Variants in SLC26A5 observed in about 807,000 individuals in gnomAD.
SLC26A5 encodes prestin.
SLC26A5 carries 51 observed loss-of-function variants against 81.0 expected under a neutral mutation model. That is an observed-to-expected ratio of 0.63 (90% CI 0.50 to 0.80). SLC26A5 has a LOEUF of 0.80. Ranked by LOEUF, SLC26A5 falls within the 30% of genes least tolerant of loss-of-function variation. The pLI is 0.00. For synonymous variants in SLC26A5, 325 were observed against 332.8 expected (o/e 0.98, Z 0.25); for missense variants, 771 against 905.8 (o/e 0.85, Z 1.91).
At chr7:103,431,764 C>T (rs1319420844) in intron 2 of SLC26A5, among the ~76,000 whole-genome samples, 1 of 152,184 alleles carries the variant, frequency 6.6e-6, no homozygotes, top group Non-Finnish European at 1.5e-5. Flanking sequence ...TAGCATCTCT[C>T]TTCTTGACAT....
intron 8 of SLC26A5, among the ~76,000 whole-genome samples, chr7:103,398,776 C>T (rs1419728668): frequency 1.3e-5 from 2 of 152,136 alleles, no homozygotes; most frequent in African/African-American, 4.8e-5. Flanking sequence ...GGAAGCCAGC[C>T]CCTCCTGAGG....
chr7:103,441,130 G>T (rs1340644446), intron 2 of SLC26A5, among the ~76,000 whole-genome samples: 1 of 152,158 alleles, frequency 6.6e-6, no homozygotes, highest in Non-Finnish European at 1.5e-5. Context: ...AGAAAAGAGA[G>T]AAATTAAGTG....
chr7:103,420,768 T>A lies in SLC26A5; in HGVS notation c.262A>T (p.Ile88Leu). The change falls in exon 4 of 20, where the codon ATA (isoleucine) becomes TTA (leucine). Residue 88 changes from isoleucine to leucine, a missense_variant. Transcript: ENST00000306312. ...EYVLGDLVSG[I>L]STGVLQLPQG... The stretch of plus-strand genomic sequence containing the variant: ...GGAAGCTGAAGCACCCCTGTGCTTA[T>A]GCCTGAGACCAAGTCACCCAACACA... 1.4e-5 allele frequency: 22 copies of A among 1,614,188 alleles called. No homozygotes were observed. The highest frequency in any genetic ancestry group is 1.8e-5 in the Non-Finnish European group (21 of 1,180,024).
intron 1 of SLC26A5, among the ~76,000 whole-genome samples, chr7:103,444,993 C>T (rs1159512881): frequency 6.6e-6 from 1 of 152,214 alleles, no homozygotes. Flanking sequence ...CCCTGCATTT[C>T]TATGCTGTAA....
rs1822451827 is a variant in SLC26A5 at position 103,389,292 on chromosome 7, A to G, written c.1407+37T>C. 6 of 1,432,356 alleles carry G rather than the reference A, an allele frequency of 4.2e-6. No homozygotes were observed. In the East Asian group the frequency reaches 1.1e-4, roughly 27 times the overall value. The allele number at this position is 1,432,356 out of a possible 1,614,324, so 88.7% of individuals were successfully genotyped here. ...TCTTAGCACTAATCATATCTGCTCT[A>G]TGACATATTAACAGAGCCATCACCT... On this transcript the variant is annotated intron_variant, in intron 13 of 19. Transcript: ENST00000306312.
chr7:103,440,533 C>T (rs1010669927), intron 2 of SLC26A5, among the ~76,000 whole-genome samples: 5 of 152,236 alleles, frequency 3.3e-5, no homozygotes, highest in African/African-American at 9.6e-5. Context: ...TCTATCTTTT[C>T]CTGGTACACT....
rs539855841 is a variant in SLC26A5 at position 103,420,497 on chromosome 7, C to CA, written c.292+240dup. Among the ~76,000 whole-genome samples the CA allele has an allele frequency of 7.2e-5, 11 of 152,056 alleles. No individual in the cohort carries two copies. The South Asian group carries it at 2.3e-3, about 32-fold the overall frequency. Reference sequence around the variant, plus strand: ...TTTTGTTTTGGTAGAGACAGTGTCTCACTTTGTTGCCCAGGCTGGTCTCCA... The same window carrying CA: ...TTTTGTTTTGGTAGAGACAGTGTCTCAACTTTGTTGCCCAGGCTGGTCTCCA... On this transcript the variant is annotated intron_variant, in intron 4 of 19. Transcript: ENST00000306312.
Position 103,390,446 on chromosome 7 carries a change from A to C in SLC26A5, c.1294T>G (p.Phe432Val), listed in dbSNP as rs1202074307. The C allele has an allele frequency of 1.9e-6, 3 of 1,614,190 alleles. No homozygotes were observed. In the Admixed American group the frequency reaches 5.0e-5, roughly 27 times the overall value. Residue 432 changes from phenylalanine (F) to valine (V), a missense_variant, in exon 12 of 20, where the codon TTT (phenylalanine) becomes GTT (valine). Phe to Val is a conservative substitution (Grantham distance 50). Transcript: ENST00000306312. ...ACACACACCTGGGGCAATGATTCAA[A>C]GAGGAATCCAGTTGCTAATATGACC... Reference protein sequence around the residue: ...LLVILATGFLFESLPQAVLSA... With the variant: ...LLVILATGFLVESLPQAVLSA...
At chr7:103,362,494 G>C in intron 19 of SLC26A5, 1 of 1,411,220 alleles carries the variant, frequency 7.1e-7, no homozygotes. Flanking sequence ...CTGTTGGATA[G>C]GTTGTTTGCG....
chr7:103,395,044 A>G (rs1822973879), intron 9 of SLC26A5, among the ~76,000 whole-genome samples: 1 of 152,182 alleles, frequency 6.6e-6, no homozygotes. Flanking sequence ...GGATCCTCCA[A>G]CACTAGTCAC....
rs1386852125 is a variant in SLC26A5, at chr7:103,354,084, TAAAATA to T, written c.2042-1164_2042-1159del. 4.2e-6 allele frequency: 3 copies of T among 718,186 alleles called. No individual in the cohort carries two copies. The African/African-American group carries it at 5.5e-5, about 13-fold the overall frequency. 44.5% of individuals were successfully genotyped at this position (718,186 alleles called of 1,614,324 possible). The stretch of plus-strand genomic sequence containing the variant: ...AAAAATTAAAAAACCAAACAAAAAA[TAAAATA>T]AAAAGAAACAATTAGAAAAGAATGT... On this transcript the variant is annotated intron_variant, in intron 19 of 19. Transcript: ENST00000339444.
chr7:103,407,789 T>G (rs1462345302), intron 8 of SLC26A5, 62 bp downstream of exon 8: 85 of 1,584,734 alleles, frequency 5.4e-5, no homozygotes, highest in Non-Finnish European at 7.2e-5. Context: ...TCAAAATCCC[T>G]CACAGAAATA....
At chr7:103,358,551 A>T (rs1820175239) in intron 19 of SLC26A5, among the ~76,000 whole-genome samples, 1 of 150,164 alleles carries the variant, frequency 6.7e-6, no homozygotes, top group African/African-American at 2.5e-5. Context: ...TTTATCTTTG[A>T]ATTTTTCTGT....
intron 13 of SLC26A5, 89 bp from the exon 14 acceptor site, chr7:103,389,203 C>T (rs1167494792): frequency 2.1e-5 from 25 of 1,218,122 alleles, no homozygotes; most frequent in Non-Finnish European, 1.2e-6. Flanking sequence ...ACACATGCTA[C>T]TTTTACCTTG....
chr7:103,353,815 C>G (rs1819867862), intron 19 of SLC26A5: 1 of 935,266 alleles, frequency 1.1e-6, no homozygotes, highest in East Asian at 2.6e-5. Context: ...TTTTGACACT[C>G]ACTTAAAACA....
At chr7:103,362,681 C>T in intron 19 of SLC26A5, 2 of 1,598,128 alleles carry the variant, frequency 1.3e-6, no homozygotes, top group Middle Eastern at 1.7e-4. Flanking sequence ...TTTTTACTTC[C>T]TTAGCGTGGA....
downstream of SLC26A5, among the ~76,000 whole-genome samples, chr7:103,370,707 C>T (rs1215008808): frequency 6.6e-6 from 1 of 152,194 alleles, no homozygotes; most frequent in Non-Finnish European, 1.5e-5. Flanking sequence ...CTGCCATATA[C>T]TAATACAGAG....
intron 14 of SLC26A5, among the ~76,000 whole-genome samples, chr7:103,387,073 T>C (rs1011107179): frequency 3.3e-5 from 5 of 152,212 alleles, no homozygotes; most frequent in Non-Finnish European, 1.5e-5. Context: ...AAGTTATAGA[T>C]ATTTTAAAAC....
At chr7:103,390,307 C>T (rs1822542777) in intron 12 of SLC26A5, 122 bp downstream of exon 12, 2 of 940,408 alleles carry the variant, frequency 2.1e-6, no homozygotes, top group Non-Finnish European at 3.5e-6. Flanking sequence ...TTGGCCCTTT[C>T]TCATACCATC....
Sources: allele counts gnomAD v4.1 joint callset (sites outside exome capture counted in the v4.1 genomes callset), GRCh38; gene constraint gnomAD v4.1.1; transcripts MANE v1.5; gene names NCBI Gene and HGNC (gene_info 2026-07-23, HGNC 2026-07-21).